HSD17B4: variants seen among roughly 807,000 people sequenced by gnomAD.
The protein encoded by HSD17B4 is hydroxysteroid 17-beta dehydrogenase 4.
A neutral mutation model predicts 101.0 loss-of-function variants in HSD17B4; 70 were observed. That is an observed-to-expected ratio of 0.69 (90% confidence interval 0.57 to 0.85). The LOEUF is 0.85. Among genes scored for constraint, HSD17B4 ranks in the 40% least tolerant of loss-of-function variants. The pLI is 0.00. For synonymous variants in HSD17B4, 347 were observed against 297.1 expected, an observed-to-expected ratio of 1.17 and a Z score of -1.73; for missense variants, 984 against 892.4, an observed-to-expected ratio of 1.10 and a Z score of -1.31.
At chr5:119,512,373 G>A (rs959356882) in intron 16 of HSD17B4, among the ~76,000 whole-genome samples, 2 of 152,088 alleles carry the variant, frequency 1.3e-5, no homozygotes. Flanking sequence ...TATATCTAAA[G>A]AAATCCATAT....
chr5:119,464,041 A>G (rs748945743), intron 2 of HSD17B4, among the ~76,000 whole-genome samples: 30 of 151,918 alleles, frequency 2.0e-4, no homozygotes, highest in Non-Finnish European at 3.7e-4. Context: ...TATTAGGATT[A>G]TTTATTTTTT....
intron 2 of HSD17B4, among the ~76,000 whole-genome samples, chr5:119,465,868 A>G (rs1280120716): frequency 6.6e-6 from 1 of 152,192 alleles, no homozygotes; most frequent in Non-Finnish European, 1.5e-5. Context: ...ATGTTGAATA[A>G]GAGCGGTGAA....
At chr5:119,467,584 A>G (rs1037931283) in intron 2 of HSD17B4, among the ~76,000 whole-genome samples, 6 of 152,190 alleles carry the variant, frequency 3.9e-5, no homozygotes, top group African/African-American at 1.2e-4. Context: ...CTTAAAGTCT[A>G]TTATATCTGA....
intron 17 of HSD17B4, among the ~76,000 whole-genome samples, chr5:119,523,905 G>A (rs1753340398): frequency 6.6e-6 from 1 of 152,056 alleles, no homozygotes; most frequent in Non-Finnish European, 1.5e-5. Context: ...TGGTAGAGCT[G>A]GCTTTGAATC....
At chr5:119,497,431 C>T (rs1750749638) in intron 12 of HSD17B4, among the ~76,000 whole-genome samples, 1 of 152,138 alleles carries the variant, frequency 6.6e-6, no homozygotes, top group Non-Finnish European at 1.5e-5. Context: ...ATACAGTTCT[C>T]ATTCTACCCG....
At chr5:119,464,017 G>A (rs1344053991) in intron 2 of HSD17B4, among the ~76,000 whole-genome samples, 1 of 151,932 alleles carries the variant, frequency 6.6e-6, no homozygotes, top group Non-Finnish European at 1.5e-5. Flanking sequence ...AAAATATACT[G>A]TTTATTATTT....
At chr5:119,503,354 G>T (rs931326369) in intron 14 of HSD17B4, among the ~76,000 whole-genome samples, 1 of 152,010 alleles carries the variant, frequency 6.6e-6, no homozygotes, top group Admixed American at 6.6e-5. Flanking sequence ...AAGGTGTAGA[G>T]AATAACTTTT....
intron 7 of HSD17B4, 25 bp from the exon 8 acceptor site, chr5:119,478,809 A>C (rs1748841525): frequency 6.3e-7 from 1 of 1,585,190 alleles, no homozygotes; most frequent in Non-Finnish European, 8.7e-7. Context: ...AAAAGATGAT[A>C]TTGAGAGATT....
intron 17 of HSD17B4, among the ~76,000 whole-genome samples, chr5:119,524,166 G>A (rs1043494304): frequency 1.3e-5 from 2 of 151,982 alleles, no homozygotes; most frequent in Non-Finnish European, 2.9e-5. Context: ...ACATGTAAAG[G>A]AAAGAATATT....
At chr5:119,522,397 C>T (rs1047719519) in intron 17 of HSD17B4, among the ~76,000 whole-genome samples, 1 of 152,110 alleles carries the variant, frequency 6.6e-6, no homozygotes, top group Non-Finnish European at 1.5e-5. Flanking sequence ...AATAAACATA[C>T]GTGTGCATGT....
chr5:119,509,653 T>G (rs1180675022), intron 16 of HSD17B4, among the ~76,000 whole-genome samples: 1 of 152,128 alleles, frequency 6.6e-6, no homozygotes, highest in East Asian at 1.9e-4. Context: ...CCCAGGAAAC[T>G]CCAGATTCCA....
At chr5:119,520,859 G>A (rs1309395806) in intron 17 of HSD17B4, among the ~76,000 whole-genome samples, 1 of 151,904 alleles carries the variant, frequency 6.6e-6, no homozygotes. Flanking sequence ...CTGTTCTTTG[G>A]CTTCGTTTCT....
chr5:119,481,341 T>C (rs1580569940), intron 8 of HSD17B4, among the ~76,000 whole-genome samples: 3 of 152,344 alleles, frequency 2.0e-5, no homozygotes, highest in African/African-American at 7.2e-5. Flanking sequence ...TTGGGGTCCC[T>C]GACTTCCCTC....
chr5:119,515,808 T>C (rs1316941175), intron 17 of HSD17B4, among the ~76,000 whole-genome samples: 1 of 152,150 alleles, frequency 6.6e-6, no homozygotes, highest in Admixed American at 6.5e-5. Context: ...AAGGTCACTT[T>C]AAAAAAATTT....
chr5:119,457,273 A>G (rs956366138), intron 2 of HSD17B4, among the ~76,000 whole-genome samples: 2 of 152,252 alleles, frequency 1.3e-5, no homozygotes, highest in African/African-American at 2.4e-5. Context: ...TGGGCCCACA[A>G]TGATCTTCTA....
chr5:119,536,276 A>G, intron 22 of HSD17B4, 147 bp from the exon 23 acceptor site: 2 of 733,604 alleles, frequency 2.7e-6, no homozygotes, highest in South Asian at 3.3e-5. Context: ...ATGACAGATA[A>G]TGTATAATTG....
At position 119,474,015 on chromosome 5, in the gene HSD17B4, G is replaced by A. The variant is rs1033649515; in HGVS notation, c.220G>A (p.Asp74Asn). Reference sequence around the variant, plus strand: ...AGGTGGAAAAGCAGTGGCCAACTATGGTATGGTATTTGAGAGAACTATACT... The same window carrying A: ...AGGTGGAAAAGCAGTGGCCAACTATAGTATGGTATTTGAGAGAACTATACT... ...RRGGKAVANYDSVEEGEKVVK... is the reference protein window; with the variant it reads ...RRGGKAVANYNSVEEGEKVVK... The change falls in exon 3 of 24, where the codon GAT becomes AAT. Residue 74 changes from aspartate to asparagine, a missense_variant and splice_region_variant. By Grantham distance (23) the Asp-to-Asn change is conservative. Transcript: ENST00000510025. 23 of 1,494,072 alleles carry A rather than the reference G, an allele frequency of 1.5e-5. No individual in the cohort carries two copies. The highest frequency in any genetic ancestry group is 2.3e-5 in the East Asian group (1 of 44,342). 92.6% of individuals were successfully genotyped at this position (1,494,072 alleles called of 1,614,324 possible). A position where few individuals can be genotyped will look rare whatever the true frequency, so the allele number is the denominator to read the frequency against.
rs768345875 is a variant in HSD17B4, at chr5:119,493,844, A to G, written c.766A>G (p.Ile256Val). 11 of 1,612,904 alleles carry G rather than the reference A, an allele frequency of 6.8e-6. No individual in the cohort carries two copies. Among genetic ancestry groups the G allele is most frequent in the Non-Finnish European group, 5.1e-6 (6 of 1,179,194 alleles). ...ACGCTGGGAGCGGACTCTTGGAGCT[A>G]TTGTAAGACAAAAGAATCACCCAAT... ...KLRWERTLGA[I>V]VRQKNHPMTP... Residue 256 changes from isoleucine (I) to valine (V), a missense_variant, in exon 11 of 24, where the codon ATT becomes GTT. By Grantham distance (29) the Ile-to-Val change is conservative. Transcript: ENST00000510025.
At chr5:119,470,248 T>G (rs770075694) in intron 2 of HSD17B4, among the ~76,000 whole-genome samples, 4 of 151,846 alleles carry the variant, frequency 2.6e-5, no homozygotes, top group Non-Finnish European at 5.9e-5. Flanking sequence ...GAGGTCATAG[T>G]GGTACCACTG....
Sources: gnomAD v4.1 joint callset for allele counts (sites outside exome capture counted in the v4.1 genomes callset) on GRCh38, gnomAD v4.1.1 for gene constraint, MANE v1.5 for transcripts, NCBI Gene and HGNC (gene_info 2026-07-23, HGNC 2026-07-21) for gene names.